The following HIVEP3 variants were observed in gnomAD, a reference collection of about 807,000 sequenced individuals.
The protein encoded by HIVEP3 is transcription factor HIVEP3.
In HIVEP3, 49 loss-of-function variants were observed where a neutral mutation model predicts 152.8. The observed-to-expected ratio is 0.32, with a 90% CI of 0.26 to 0.41. The LOEUF (loss-of-function observed/expected upper bound fraction) is 0.41. Among genes scored for constraint, HIVEP3 ranks in the 10% least tolerant of loss-of-function variants. The pLI is 1.00. For missense variants in HIVEP3, 2,790 were observed against 3,103.3 expected, an observed-to-expected ratio of 0.90 and a Z score of 2.40; for synonymous variants, 1,269 against 1,289.0, an observed-to-expected ratio of 0.98 and a Z score of 0.33.
intron 1 of HIVEP3, among the ~76,000 whole-genome samples, chr1:41,857,139 C>A (rs983594847): frequency 6.6e-6 from 1 of 152,142 alleles, no homozygotes; most frequent in African/African-American, 2.4e-5. Flanking sequence ...TCCTCCCCTT[C>A]CTGATCCAAT....
At chr1:41,726,131 C>G (rs1034685815) in intron 1 of HIVEP3, among the ~76,000 whole-genome samples, 1 of 152,210 alleles carries the variant, frequency 6.6e-6, no homozygotes, top group Non-Finnish European at 1.5e-5. Context: ...TTTTGATGAG[C>G]AGTTTTCATA....
intron 1 of HIVEP3, among the ~76,000 whole-genome samples, chr1:41,791,187 A>G (rs1203060244): frequency 6.6e-6 from 1 of 151,386 alleles, no homozygotes; most frequent in African/African-American, 2.4e-5. Flanking sequence ...CAAGCCAGTC[A>G]GGTCCGCTCA....
At chr1:41,917,157 T>G (rs1002026654) in intron 1 of HIVEP3, among the ~76,000 whole-genome samples, 5 of 152,074 alleles carry the variant, frequency 3.3e-5, no homozygotes, top group African/African-American at 1.2e-4. Flanking sequence ...GCACCCAACT[T>G]CTTCAGTCTG....
Position 41,580,107 on chromosome 1 carries a change from G to T in HIVEP3, c.4691C>A (p.Ser1564Tyr). The change falls in exon 4 of 9, where the codon TCC becomes TAC. Residue 1564 changes from serine to tyrosine, a missense_variant. Around this residue, in one of 9 missense-constraint regions of HIVEP3, gnomAD observed 1,078 missense variants for 1,165.3 expected, o/e 0.93. Coordinates refer to ENST00000372583, the MANE Select transcript of HIVEP3 (RefSeq NM_024503.5). ...EDSKEQPDLP[S>Y]LAPPSSLPLS... is the part of the protein sequence containing the mutation. Reference sequence around the variant, plus strand: ...AGGCAGAGAGCTCGGAGGTGCCAAGGAGGGGAGATCAGGTTGTTCCTTGGA... The same window carrying T: ...AGGCAGAGAGCTCGGAGGTGCCAAGTAGGGGAGATCAGGTTGTTCCTTGGA... 2 of 1,614,268 alleles carry T rather than the reference G, an allele frequency of 1.2e-6. No individual in the cohort carries two copies. Among genetic ancestry groups the T allele is most frequent in the Middle Eastern group, 1.6e-4 (1 of 6,062 alleles).
intron 1 of HIVEP3, among the ~76,000 whole-genome samples, chr1:41,824,778 T>TAGAGAGAGAG (rs1642730594): frequency 3.1e-4 from 4 of 12,756 alleles, no homozygotes; most frequent in South Asian, 3.9e-3. Flanking sequence ...TATATATATA[T>TAGAGAGAGAG]ATATATAGAG....
At chr1:41,637,811 T>C (rs1366385705) in intron 2 of HIVEP3, among the ~76,000 whole-genome samples, 1 of 152,072 alleles carries the variant, frequency 6.6e-6, no homozygotes, top group Non-Finnish European at 1.5e-5. Context: ...GATATAAAAG[T>C]ATAGAGACAG....
intron 1 of HIVEP3, among the ~76,000 whole-genome samples, chr1:41,933,344 G>A (rs765047237): frequency 6.6e-6 from 1 of 152,024 alleles, no homozygotes; most frequent in Non-Finnish European, 1.5e-5. Context: ...TTGAAACTCT[G>A]TTGTTAGGTA....
intron 1 of HIVEP3, among the ~76,000 whole-genome samples, chr1:41,707,341 G>A (rs763915578): frequency 5.9e-5 from 9 of 152,204 alleles, no homozygotes; most frequent in African/African-American, 1.7e-4. Flanking sequence ...GAACTACCAC[G>A]AGGGCAATGA....
intron 1 of HIVEP3, among the ~76,000 whole-genome samples, chr1:41,818,958 G>C (rs147886314): frequency 5.0e-4 from 76 of 152,244 alleles, no homozygotes; most frequent in Non-Finnish European, 9.7e-4. Flanking sequence ...ATGAATCCTT[G>C]TCCTGAATTC....
intron 1 of HIVEP3, among the ~76,000 whole-genome samples, chr1:41,943,320 C>G (rs1018560124): frequency 1.3e-5 from 2 of 152,128 alleles, no homozygotes; most frequent in African/African-American, 4.8e-5. Flanking sequence ...TAGGTGGAAG[C>G]TGGATCTCTT....
chr1:41,513,177 A>C lies in HIVEP3; in HGVS notation c.6044T>G (p.Val2015Gly). The C allele has an allele frequency of 3.1e-6, 5 of 1,613,882 alleles. No individual in the cohort carries two copies. The highest frequency in any genetic ancestry group is 3.4e-6 in the Non-Finnish European group (4 of 1,180,008). ...AGCGCCCATGCCCCTTCCTGGGTCC[A>C]CGTGCAGGCCAGGTGGGCTTGGGGC... ...ASAPSPPGLH[V>G]DPGRGMGALP... is the part of the protein sequence containing the mutation. Residue 2015 changes from valine (V) to glycine (G), a missense_variant, in exon 8 of 9, where the codon GTG becomes GGG. By Grantham distance (109) the Val-to-Gly change is moderately radical. Transcript: ENST00000372583.
chr1:41,865,848 A>T (rs1426427793), intron 1 of HIVEP3, among the ~76,000 whole-genome samples: 1 of 152,224 alleles, frequency 6.6e-6, no homozygotes, highest in African/African-American at 2.4e-5. Context: ...CTATCTGTCC[A>T]TTACACGTAG....
chr1:41,587,346 A>G lies in HIVEP3; in HGVS notation c.-521-2028T>C, dbSNP rs202021663. ...TCAAAGGCCTCCTGTGACTTGTACC[A>G]AAGCAGGCTGAGTGTGGGGAAGACA... is the stretch of plus-strand genomic sequence containing the variant. On this transcript the variant is annotated intron_variant, in intron 3 of 8. Transcript: ENST00000372583. 7.9e-5 allele frequency among the ~76,000 whole-genome samples: 12 copies of G among 152,342 alleles called. No homozygotes were observed. The East Asian group carries it at 1.9e-3, about 24-fold the overall frequency.
intron 1 of HIVEP3, among the ~76,000 whole-genome samples, chr1:41,756,605 T>G (rs1037290764): frequency 1.3e-5 from 2 of 152,218 alleles, no homozygotes; most frequent in Admixed American, 1.3e-4. Context: ...AATAATTGGT[T>G]AAATAGACTA....
In HIVEP3 at chr1:41,805,985, G is replaced by A. The variant is rs151098720; in HGVS notation, c.-800-104990C>T. 3.8e-4 allele frequency among the ~76,000 whole-genome samples: 58 copies of A among 152,292 alleles called. No homozygotes were observed. In the South Asian group the frequency reaches 5.2e-3, roughly 14 times the overall value. ...CCCCACTCCCTCCCGTGTCTGGTAC[G>A]TGGTTGAGATCAGTAAGCACAGGTT... On this transcript the variant is annotated intron_variant, in intron 1 of 8. Transcript: ENST00000372583.
chr1:41,823,806 G>C (rs1280296694), intron 1 of HIVEP3, among the ~76,000 whole-genome samples: 1 of 152,168 alleles, frequency 6.6e-6, no homozygotes, highest in East Asian at 1.9e-4. Flanking sequence ...GGTGTCACTG[G>C]GGGTACACAC....
In HIVEP3 at chr1:41,623,949, T is replaced by G. The variant is rs548012302; in HGVS notation, c.-522+4800A>C. 1.2e-4 allele frequency among the ~76,000 whole-genome samples: 19 copies of G among 152,348 alleles called. No individual in the cohort carries two copies. The East Asian group carries it at 3.3e-3, about 26-fold the overall frequency. On this transcript the variant is annotated intron_variant, in intron 3 of 8. Transcript: ENST00000372583. ...ACCCCCACTTCTCTGCACACATGTTTACCTTGCTCCACGCTCTTCTGCACC... is the reference window on the plus strand; with the variant it reads ...ACCCCCACTTCTCTGCACACATGTTGACCTTGCTCCACGCTCTTCTGCACC...
intron 1 of HIVEP3, among the ~76,000 whole-genome samples, chr1:41,794,803 A>C (rs11210529): frequency 0.18 from 27,217 of 152,084 alleles, 2,667 homozygotes; most frequent in East Asian, 0.29. Context: ...TTAACTTTTA[A>C]TTTTGCAATA....
intron 1 of HIVEP3, among the ~76,000 whole-genome samples, chr1:41,703,036 T>A (rs1351315125): frequency 6.6e-6 from 1 of 152,248 alleles, no homozygotes; most frequent in Non-Finnish European, 1.5e-5. Flanking sequence ...CTCGTTTCCA[T>A]CTGCTACCTC....
Sources: gnomAD v4.1 joint callset for allele counts (sites outside exome capture counted in the v4.1 genomes callset) on GRCh38, gnomAD v4.1.1 for gene constraint, gnomAD v4.1.1 regional missense constraint, MANE v1.5 for transcripts, NCBI Gene and HGNC (gene_info 2026-07-23, HGNC 2026-07-21) for gene names.